POLR3B: variants seen among roughly 807,000 people sequenced by gnomAD.
The protein encoded by POLR3B is RNA polymerase III subunit B.
Under a neutral mutation model 147.4 loss-of-function variants are expected in POLR3B, and 96 were observed. The ratio of observed to expected loss-of-function variants is 0.65; its 90% confidence interval spans 0.55 to 0.77. The LOEUF (loss-of-function observed/expected upper bound fraction) is 0.77. Ranked by LOEUF, POLR3B falls within the 30% of genes least tolerant of loss-of-function variation. The pLI, the probability that POLR3B is intolerant of heterozygous loss-of-function variation, is 0.00. For synonymous variants in POLR3B, 461 were observed against 485.9 expected (o/e 0.95, Z 0.67); for missense variants, 1,036 against 1,413.5 (o/e 0.73, Z 4.28).
intron 19 of POLR3B, among the ~76,000 whole-genome samples, chr12:106,447,328 C>A (rs2037736991): frequency 6.6e-6 from 1 of 152,152 alleles, no homozygotes; most frequent in African/African-American, 2.4e-5. Context: ...AAGGCCAGCA[C>A]AAACCACAGA....
In POLR3B at chr12:106,357,877, A is replaced by T. The variant is rs1271343590; in HGVS notation, c.-3A>T. ...ATCTGTTTCTTCCTCCTTCGTGAGCAGCATGGACGTGCTAGCGGAGGAGTT... is the reference window on the plus strand; with the variant it reads ...ATCTGTTTCTTCCTCCTTCGTGAGCTGCATGGACGTGCTAGCGGAGGAGTT... On this transcript the variant is annotated 5_prime_UTR_variant, in exon 1 of 28. Coordinates refer to ENST00000228347, the MANE Select transcript of POLR3B (RefSeq NM_018082.6). 1 of 1,613,532 alleles carries T rather than the reference A, an allele frequency of 6.2e-7. No homozygotes were observed. Among genetic ancestry groups the T allele is most frequent in the Non-Finnish European group, 8.5e-7 (1 of 1,179,924 alleles).
rs1437442253 is a variant in POLR3B at position 106,457,257 on chromosome 12, C to T, written c.2413C>T (p.Arg805Ter). Residue 805 changes from arginine (R) to a stop codon, truncating the protein, a stop_gained, in exon 21 of 28, where the codon CGA becomes TGA. Transcript: ENST00000228347. LOFTEE classifies it high-confidence loss of function. ...LDAATRKPIW[R>*]HEILDADGIC... ...TGCTGCTACAAGGAAACCTATCTGG[C>T]GACATGAAATCTTAGATGCAGATGG... 3.1e-6 allele frequency: 5 copies of T among 1,613,474 alleles called. No individual in the cohort carries two copies. The highest frequency in any genetic ancestry group is 4.5e-5 in the East Asian group (2 of 44,866).
chr12:106,417,776 A>G (rs979009555), intron 12 of POLR3B, among the ~76,000 whole-genome samples: 3 of 152,048 alleles, frequency 2.0e-5, no homozygotes, highest in Non-Finnish European at 4.4e-5. Flanking sequence ...CTCACCATCA[A>G]TCCCATTTTT....
In POLR3B at chr12:106,419,661, A is replaced by G. The variant is rs137959368; in HGVS notation, c.1102-7536A>G. Reference sequence around the variant, plus strand: ...TGAGCTTTTTTCTTCCACTGCAAAGAAAAAAGATGTGTACAAAGGGAAAAA... The same window carrying G: ...TGAGCTTTTTTCTTCCACTGCAAAGGAAAAAGATGTGTACAAAGGGAAAAA... On this transcript the variant is annotated intron_variant, in intron 12 of 27. Coordinates refer to ENST00000228347, the MANE Select transcript of POLR3B (RefSeq NM_018082.6). Among the ~76,000 whole-genome samples, 678 of 152,230 alleles carry G rather than the reference A, an allele frequency of 4.5e-3. 3 individuals carry two copies. The highest frequency in any genetic ancestry group is 0.016 in the African/African-American group (653 of 41,536).
chr12:106,376,928 A>G (rs923772986), intron 7 of POLR3B, among the ~76,000 whole-genome samples: 1 of 152,212 alleles, frequency 6.6e-6, no homozygotes, highest in African/African-American at 2.4e-5. Flanking sequence ...TCTCAAAGAC[A>G]TACTGTTTCC....
At chr12:106,445,207 T>TGGAGCCTGAAAATAGAGAGATGAGGC (rs1229441340) in intron 19 of POLR3B, among the ~76,000 whole-genome samples, 6 of 152,234 alleles carry the variant, frequency 3.9e-5, no homozygotes, top group Non-Finnish European at 4.4e-5. Flanking sequence ...GACATGAGGC[T>TGGAGCCTGAAAATAGAGAGATGAGGC]GGAGCCTGAA....
chr12:106,366,964 G>A (rs1448031905), intron 4 of POLR3B, among the ~76,000 whole-genome samples: 2 of 152,128 alleles, frequency 1.3e-5, no homozygotes, highest in African/African-American at 2.4e-5. Context: ...TTAGCCAGGC[G>A]TGGTGGTGCA....
intron 1 of POLR3B, 149 bp downstream of exon 1, chr12:106,358,100 GTC>G (rs2036414052): frequency 3.3e-6 from 5 of 1,515,228 alleles, no homozygotes; most frequent in South Asian, 1.2e-5. Flanking sequence ...GCGCTTGCGA[GTC>G]TTTTTTCCAG....
At chr12:106,400,960 A>G (rs948997638) in intron 10 of POLR3B, among the ~76,000 whole-genome samples, 9 of 152,236 alleles carry the variant, frequency 5.9e-5, no homozygotes, top group East Asian at 1.9e-4. Flanking sequence ...GCAGAAGGCA[A>G]GATATAACTA....
chr12:106,437,044 G>C lies in POLR3B; in HGVS notation c.1782-13G>C. The C allele has an allele frequency of 6.2e-7, 1 of 1,608,408 alleles. No homozygotes were observed. Among genetic ancestry groups the C allele is most frequent in the Non-Finnish European group, 8.5e-7 (1 of 1,175,512 alleles). On this transcript the variant is annotated splice_polypyrimidine_tract_variant and intron_variant, in intron 16 of 27. Coordinates refer to ENST00000228347, the MANE Select transcript of POLR3B (RefSeq NM_018082.6). Reference sequence around the variant, plus strand: ...GGAACTATTATTAATTTGGTTTGCTGTTTCCATTCTAGACCCTACATAATT... The same window carrying C: ...GGAACTATTATTAATTTGGTTTGCTCTTTCCATTCTAGACCCTACATAATT...
intron 15 of POLR3B, among the ~76,000 whole-genome samples, chr12:106,433,417 A>G (rs1039463754): frequency 6.6e-6 from 1 of 152,236 alleles, no homozygotes; most frequent in Non-Finnish European, 1.5e-5. Context: ...TGTGGAAGTG[A>G]TGGAGCCAGT....
intron 12 of POLR3B, among the ~76,000 whole-genome samples, chr12:106,417,875 A>AG (rs1220453437): frequency 3.3e-5 from 5 of 152,176 alleles, no homozygotes; most frequent in Non-Finnish European, 7.3e-5. Flanking sequence ...TGGAGTAAGG[A>AG]GGGGGAAAGG....
chr12:106,466,297 G>A (rs1411249621), intron 23 of POLR3B, among the ~76,000 whole-genome samples: 2 of 152,070 alleles, frequency 1.3e-5, no homozygotes, highest in Non-Finnish European at 2.9e-5. Context: ...TTTGATGGGG[G>A]TTGTTTGCTT....
intron 10 of POLR3B, among the ~76,000 whole-genome samples, chr12:106,401,886 C>G (rs920526655): frequency 3.9e-5 from 6 of 152,314 alleles, no homozygotes; most frequent in African/African-American, 7.2e-5. Context: ...GAAGCATTCC[C>G]TTTGAAAACT....
rs558748868 is a variant in POLR3B, at chr12:106,495,499, A to G, written c.2714-556A>G. On this transcript the variant is annotated intron_variant, in intron 23 of 27. Coordinates refer to ENST00000228347, the MANE Select transcript of POLR3B (RefSeq NM_018082.6). ...GCCAGGGGAAGCCCTAGCAAAAATC[A>G]GCCAACCAGCCAGAGCACTGCAGCC... Among the ~76,000 whole-genome samples the G allele has an allele frequency of 6.6e-5, 10 of 152,358 alleles. No homozygotes were observed. In the East Asian group the frequency reaches 1.9e-3, roughly 29 times the overall value.
intron 9 of POLR3B, among the ~76,000 whole-genome samples, chr12:106,386,690 G>A (rs569311513): frequency 4.7e-4 from 72 of 152,084 alleles, no homozygotes; most frequent in African/African-American, 1.7e-3. Flanking sequence ...GGCGGATCAC[G>A]AGGTCAGGAG....
rs1220701529 is a variant in POLR3B, at chr12:106,453,270, G to A, written c.2084-1232G>A. On this transcript the variant is annotated intron_variant, in intron 19 of 27. Transcript: ENST00000228347. ...CAAGCAGTCCACCCACATCGACCTC[G>A]CAAAGTGCTGGGATTACAGGCATGA... is the stretch of plus-strand genomic sequence containing the variant. Among the ~76,000 whole-genome samples the A allele has an allele frequency of 5.9e-5, 9 of 151,892 alleles. No homozygotes were observed. The South Asian group carries it at 6.2e-4, about 10-fold the overall frequency.
At chr12:106,409,747 G>C (rs2037200760) in intron 11 of POLR3B, among the ~76,000 whole-genome samples, 1 of 151,708 alleles carries the variant, frequency 6.6e-6, no homozygotes, top group Non-Finnish European at 1.5e-5. Flanking sequence ...ATTTCATTGG[G>C]ATTTTACTAA....
chr12:106,477,615 TG>T (rs1266439699), intron 23 of POLR3B, among the ~76,000 whole-genome samples: 1 of 151,936 alleles, frequency 6.6e-6, no homozygotes, highest in Non-Finnish European at 1.5e-5. Context: ...CAGGTGGGAG[TG>T]ACCCGATTGT....
Sources: allele counts gnomAD v4.1 joint callset (sites outside exome capture counted in the v4.1 genomes callset), GRCh38; gene constraint gnomAD v4.1.1; transcripts MANE v1.5; gene names NCBI Gene and HGNC (gene_info 2026-07-23, HGNC 2026-07-21).